Variants in CAMSAP2 observed in about 807,000 individuals in gnomAD.
CAMSAP2 encodes calmodulin regulated spectrin associated protein family member 2, also known as calmodulin-regulated spectrin-associated protein 2.
Under a neutral mutation model 146.1 loss-of-function variants are expected in CAMSAP2, and 26 were observed. The ratio of observed to expected loss-of-function variants is 0.18; its 90% CI spans 0.13 to 0.25. The LOEUF is 0.25. Among genes scored for constraint, CAMSAP2 ranks in the 10% least tolerant of loss-of-function variants. CAMSAP2 has a pLI of 1.00. For synonymous variants in CAMSAP2, 499 were observed against 596.6 expected (o/e 0.84, Z 2.38); for missense variants, 1,381 against 1,759.3 (o/e 0.78, Z 3.85).
At position 200,848,817 on chromosome 1, in the gene CAMSAP2, G is replaced by A. The variant is rs1212464015; in HGVS notation, c.2048G>A (p.Gly683Glu). The A allele has an allele frequency of 6.2e-7, 1 of 1,614,000 alleles. No homozygotes were observed. Among genetic ancestry groups the A allele is most frequent in the Non-Finnish European group, 8.5e-7 (1 of 1,180,010 alleles). The change falls in exon 11 of 17, where the codon GGA (glycine) becomes GAA (glutamate). Residue 683 changes from glycine to glutamate, a missense_variant. By Grantham distance (98) the Gly-to-Glu change is moderately conservative (BLOSUM62 -2). Transcript: ENST00000358823. ...GGCAGCAGTGCTTCTTCTAGTTCTGGAGTTAAAATGACCAGCTTTGCTGAA... is the reference window on the plus strand; with the variant it reads ...GGCAGCAGTGCTTCTTCTAGTTCTGAAGTTAAAATGACCAGCTTTGCTGAA... The part of the protein sequence containing the change: ...QPGSSASSSS[G>E]VKMTSFAEQK...
chr1:200,856,311 A>G (rs1312983416), intron 15 of CAMSAP2, among the ~76,000 whole-genome samples, 186 bp downstream of exon 15: 2 of 152,230 alleles, frequency 1.3e-5, no homozygotes, highest in African/African-American at 2.4e-5. Context: ...GATGCTACTT[A>G]TATCTCATCC....
chr1:200,812,635 C>G (rs1666362488), intron 3 of CAMSAP2, among the ~76,000 whole-genome samples: 1 of 152,036 alleles, frequency 6.6e-6, no homozygotes, highest in Non-Finnish European at 1.5e-5. Context: ...AATGCATCCA[C>G]AAGTATAAAA....
intron 1 of CAMSAP2, among the ~76,000 whole-genome samples, chr1:200,740,218 T>TCCCCC (rs1664122345): frequency 2.7e-4 from 41 of 151,438 alleles, no homozygotes; most frequent in Non-Finnish European, 4.3e-4. Flanking sequence ...GTCCCCCCCA[T>TCCCCC]CCCCCAGTGA....
chr1:200,805,561 C>G (rs1666150308), intron 2 of CAMSAP2, among the ~76,000 whole-genome samples: 1 of 152,170 alleles, frequency 6.6e-6, no homozygotes, highest in African/African-American at 2.4e-5. Flanking sequence ...AATACCAGTG[C>G]TGATGCCGTA....
At chr1:200,771,549 A>C (rs1004176275) in intron 2 of CAMSAP2, among the ~76,000 whole-genome samples, 3 of 152,156 alleles carry the variant, frequency 2.0e-5, no homozygotes, top group Non-Finnish European at 2.9e-5. Flanking sequence ...ACAAAGTGTT[A>C]ATTTCTGGTC....
At chr1:200,795,836 T>C (rs905689420) in intron 2 of CAMSAP2, among the ~76,000 whole-genome samples, 1 of 152,172 alleles carries the variant, frequency 6.6e-6, no homozygotes, top group African/African-American at 2.4e-5. Context: ...TCTCTAATAT[T>C]TGCTTCCTAA....
At chr1:200,749,716 T>C (rs1664446182) in intron 1 of CAMSAP2, among the ~76,000 whole-genome samples, 1 of 152,196 alleles carries the variant, frequency 6.6e-6, no homozygotes, top group Non-Finnish European at 1.5e-5. Flanking sequence ...CTTTTTCATC[T>C]TTATTTATAA....
intron 1 of CAMSAP2, among the ~76,000 whole-genome samples, chr1:200,757,343 G>C (rs1431132167): frequency 6.6e-6 from 1 of 152,140 alleles, no homozygotes; most frequent in East Asian, 1.9e-4. Flanking sequence ...TGTACCTCAA[G>C]CATTTCAGGT....
In CAMSAP2 at chr1:200,849,403, A is replaced by G. The variant is rs1667555128; in HGVS notation, c.2634A>G (p.Leu878=). The G allele has an allele frequency of 6.2e-7, 1 of 1,614,102 alleles. No homozygotes were observed. Among genetic ancestry groups the G allele is most frequent in the South Asian group, 1.1e-5 (1 of 91,090 alleles). Residue 878 remains leucine (L), a synonymous_variant, in exon 11 of 17, where the codon TTA becomes TTG. Transcript: ENST00000358823. This position sits in a 1 kb window ranked among gnomAD's most constrained non-coding sequence, Gnocchi z 6.3. ...AAACTTTAAATGAAGGAGAGATTTT[A>G]GAATATACCAAATCCATTGAAAAGT... is the stretch of plus-strand genomic sequence containing the variant. ...SEETLNEGEI[L]EYTKSIEKLN... is the part of the protein sequence containing the mutation.
intron 4 of CAMSAP2, among the ~76,000 whole-genome samples, chr1:200,831,617 C>A (rs988515377): frequency 6.6e-6 from 1 of 150,828 alleles, no homozygotes; most frequent in Non-Finnish European, 1.5e-5. Flanking sequence ...TTAATGAAAT[C>A]TAAGTTGGAA....
At chr1:200,775,560 C>T (rs1012519181) in intron 2 of CAMSAP2, among the ~76,000 whole-genome samples, 1 of 152,060 alleles carries the variant, frequency 6.6e-6, no homozygotes, top group Non-Finnish European at 1.5e-5. Context: ...GATGGAGTCT[C>T]ACTCTGTTGC....
At chr1:200,805,603 A>C (rs1666151425) in intron 2 of CAMSAP2, among the ~76,000 whole-genome samples, 1 of 152,230 alleles carries the variant, frequency 6.6e-6, no homozygotes, top group Non-Finnish European at 1.5e-5. Flanking sequence ...ATGCAAACAG[A>C]AACAATATTC....
intron 2 of CAMSAP2, among the ~76,000 whole-genome samples, chr1:200,806,789 CTA>C (rs1406059486): frequency 6.6e-6 from 1 of 151,150 alleles, no homozygotes; most frequent in African/African-American, 2.4e-5. Context: ...ATCTATCTAT[CTA>C]TCTATCTATC....
intron 1 of CAMSAP2, among the ~76,000 whole-genome samples, chr1:200,753,390 A>G (rs906316412): frequency 1.3e-5 from 2 of 151,928 alleles, no homozygotes; most frequent in African/African-American, 4.8e-5. Flanking sequence ...GCTCTTGCCA[A>G]ACTTTTGCCT....
intron 2 of CAMSAP2, among the ~76,000 whole-genome samples, chr1:200,766,429 G>C (rs896282091): frequency 2.0e-5 from 3 of 152,082 alleles, no homozygotes; most frequent in Non-Finnish European, 4.4e-5. Flanking sequence ...TGGTCTATCA[G>C]GTAGCTCTTT....
intron 2 of CAMSAP2, among the ~76,000 whole-genome samples, chr1:200,762,296 A>G (rs1437900690): frequency 6.6e-6 from 1 of 152,234 alleles, no homozygotes; most frequent in East Asian, 1.9e-4. Flanking sequence ...TAGATTTACA[A>G]TATAGTTATT....
rs1428797237 is a variant in CAMSAP2, at chr1:200,816,697, CAT to C, written c.645+1058_645+1059del. ...ATATGTGTGTATATGTACATGCACA[CAT>C]ATATGTGTATATATACACACGCACA... is the stretch of plus-strand genomic sequence containing the variant. On this transcript the variant is annotated intron_variant, in intron 4 of 16. Transcript: ENST00000358823. 8.3e-5 allele frequency among the ~76,000 whole-genome samples: 11 copies of C among 132,300 alleles called. 1 individual carries two copies. The highest frequency in any genetic ancestry group is 2.4e-4 in the East Asian group (1 of 4,252). 86.8% of individuals were successfully genotyped at this position (132,300 alleles called of 152,430 possible). A position where few individuals can be genotyped will look rare whatever the true frequency, so the allele number is the denominator to read the frequency against.
intron 2 of CAMSAP2, among the ~76,000 whole-genome samples, chr1:200,802,890 G>A (rs1489907566): frequency 1.3e-5 from 2 of 152,110 alleles, no homozygotes; most frequent in African/African-American, 4.8e-5. Flanking sequence ...TATAACCCTT[G>A]TAACACAGAT....
chr1:200,740,348 TTTA>T (rs756396617), intron 1 of CAMSAP2, among the ~76,000 whole-genome samples: 1 of 152,198 alleles, frequency 6.6e-6, no homozygotes, highest in Non-Finnish European at 1.5e-5. Flanking sequence ...AGTTGGTTTC[TTTA>T]TTATTGCAAG....
Sources: allele counts gnomAD v4.1 joint callset (sites outside exome capture counted in the v4.1 genomes callset), GRCh38; gene constraint gnomAD v4.1.1; non-coding constraint Gnocchi (gnomAD v3.1); transcripts MANE v1.5; gene names NCBI Gene and HGNC (gene_info 2026-07-23, HGNC 2026-07-21).